The following NT5DC1 variants were observed in gnomAD, a reference collection of about 807,000 sequenced individuals.
NT5DC1 encodes 5'-nucleotidase domain containing 1.
Under a neutral mutation model 59.4 loss-of-function variants are expected in NT5DC1, and 42 were observed. That is an observed-to-expected ratio of 0.71 (90% CI 0.55 to 0.92). The LOEUF (loss-of-function observed/expected upper bound fraction) is 0.92, where lower values mean the gene tolerates loss of function less well. Among genes scored for constraint, NT5DC1 ranks in the 40% least tolerant of loss-of-function variants. The pLI, the probability that NT5DC1 is intolerant of heterozygous loss-of-function variation, is 0.00. For synonymous variants in NT5DC1, 172 were observed against 188.1 expected, an observed-to-expected ratio of 0.91 and a Z score of 0.70; for missense variants, 501 against 537.1, an observed-to-expected ratio of 0.93 and a Z score of 0.66.
At chr6:116,160,780 A>G (rs530819841) in intron 6 of NT5DC1, among the ~76,000 whole-genome samples, 7 of 152,320 alleles carry the variant, frequency 4.6e-5, no homozygotes, top group Non-Finnish European at 2.9e-5. Flanking sequence ...CCTTTAATCT[A>G]TCTTCAGTTA....
intron 6 of NT5DC1, chr6:116,125,576 C>T: frequency 7.2e-7 from 1 of 1,391,610 alleles, no homozygotes; most frequent in Non-Finnish European, 1.0e-6. Context: ...TCATGTTTCA[C>T]AGATGAGTTC....
chr6:116,121,858 T>C (rs750246457), intron 6 of NT5DC1: 1 of 1,613,880 alleles, frequency 6.2e-7, no homozygotes, highest in Non-Finnish European at 8.5e-7. Context: ...GTCCAGGACT[T>C]CCGTAGCCTG....
At chr6:116,176,280 C>T (rs1239290199) in intron 6 of NT5DC1, among the ~76,000 whole-genome samples, 1 of 152,114 alleles carries the variant, frequency 6.6e-6, no homozygotes, top group African/African-American at 2.4e-5. Flanking sequence ...ATGCATGTAC[C>T]ACAGAGAGGG....
intron 4 of NT5DC1, among the ~76,000 whole-genome samples, chr6:116,112,069 A>G (rs1438918496): frequency 1.3e-5 from 2 of 152,210 alleles, no homozygotes; most frequent in Admixed American, 1.3e-4. Context: ...AAGAGCATTC[A>G]CTCAGTAAGA....
intron 6 of NT5DC1, chr6:116,125,259 C>T: frequency 6.7e-7 from 1 of 1,496,544 alleles, no homozygotes. Flanking sequence ...AAGTTAAATG[C>T]ATTTTGTTAA....
At chr6:116,242,897 CT>C (rs1468393965) in intron 11 of NT5DC1, among the ~76,000 whole-genome samples, 1 of 152,140 alleles carries the variant, frequency 6.6e-6, no homozygotes, top group African/African-American at 2.4e-5. Flanking sequence ...AAAATCTCTA[CT>C]GGTTTTTCTG....
chr6:116,207,694 CCTG>C (rs1781486036), intron 6 of NT5DC1, among the ~76,000 whole-genome samples: 1 of 151,614 alleles, frequency 6.6e-6, no homozygotes. Context: ...GGTTAAAAGC[CCTG>C]CTTAGAGTAG....
chr6:116,101,024 G>A lies in NT5DC1; in HGVS notation c.93+1G>A. On this transcript the variant is annotated splice_donor_variant, in intron 1 of 11. Transcript: ENST00000319550. LOFTEE classifies it high-confidence loss of function. ...CTACAACCTGCCCGAGAGCGCCCCG[G>A]TGAGTGGCGCGGGCTCCGGGGCGCA... 1 of 1,586,468 alleles carries A rather than the reference G, an allele frequency of 6.3e-7. No individual in the cohort carries two copies. Among genetic ancestry groups the A allele is most frequent in the Non-Finnish European group, 8.6e-7 (1 of 1,167,018 alleles).
At chr6:116,196,724 T>G (rs1046560016) in intron 6 of NT5DC1, among the ~76,000 whole-genome samples, 1 of 152,106 alleles carries the variant, frequency 6.6e-6, no homozygotes, top group Admixed American at 6.6e-5. Flanking sequence ...GGGTTGTGTT[T>G]GCTGCTTCTT....
At chr6:116,161,625 C>T (rs1343944284) in intron 6 of NT5DC1, among the ~76,000 whole-genome samples, 1 of 152,132 alleles carries the variant, frequency 6.6e-6, no homozygotes, top group African/African-American at 2.4e-5. Context: ...GTTTTGGTTA[C>T]ATTAGACTTG....
chr6:116,190,845 T>C (rs1449186566), intron 6 of NT5DC1, among the ~76,000 whole-genome samples: 1 of 152,030 alleles, frequency 6.6e-6, no homozygotes, highest in Non-Finnish European at 1.5e-5. Context: ...AGAGACAGGT[T>C]CTCAGTTTCG....
intron 6 of NT5DC1, among the ~76,000 whole-genome samples, chr6:116,185,176 G>A (rs1300383392): frequency 6.6e-6 from 1 of 151,940 alleles, no homozygotes; most frequent in African/African-American, 2.4e-5. Context: ...TGATTTTGAG[G>A]GTTCCTTTTG....
intron 6 of NT5DC1, among the ~76,000 whole-genome samples, chr6:116,138,233 A>T (rs767133149): frequency 6.6e-6 from 1 of 152,176 alleles, no homozygotes; most frequent in African/African-American, 2.4e-5. Flanking sequence ...ATCTTTAGAG[A>T]TAAAGAATTT....
intron 6 of NT5DC1, among the ~76,000 whole-genome samples, chr6:116,168,531 A>C (rs1780530318): frequency 1.3e-5 from 2 of 152,100 alleles, no homozygotes; most frequent in Admixed American, 1.3e-4. Flanking sequence ...GTCTGTCTTT[A>C]TACCATAGGA....
At chr6:116,240,102 A>G (rs1771670966) in intron 11 of NT5DC1, among the ~76,000 whole-genome samples, 1 of 152,232 alleles carries the variant, frequency 6.6e-6, no homozygotes. Flanking sequence ...AAATCATAAA[A>G]GATACAGAAG....
intron 8 of NT5DC1, among the ~76,000 whole-genome samples, chr6:116,227,053 G>A (rs1781924588): frequency 6.6e-6 from 1 of 151,992 alleles, no homozygotes; most frequent in Non-Finnish European, 1.5e-5. Context: ...TCTGCATTTT[G>A]TACAATATAT....
At chr6:116,124,067 A>G (rs1779219554) in intron 6 of NT5DC1, among the ~76,000 whole-genome samples, 1 of 151,968 alleles carries the variant, frequency 6.6e-6, no homozygotes, top group African/African-American at 2.4e-5. Flanking sequence ...TAAATTTTAA[A>G]ATTTTTATTT....
chr6:116,107,540 T>TTTTTA (rs371049347), intron 2 of NT5DC1, among the ~76,000 whole-genome samples: 44,537 of 132,378 alleles, frequency 0.34, 8,614 homozygotes, highest in East Asian at 0.59. Context: ...AGTGGTTTTC[T>TTTTTA]TTTTATTTTA....
chr6:116,123,800 A>G (rs1779208792), intron 6 of NT5DC1, among the ~76,000 whole-genome samples: 2 of 152,348 alleles, frequency 1.3e-5, no homozygotes, highest in Admixed American at 1.3e-4. Flanking sequence ...AGATATTTTC[A>G]TTTGTTCTGC....
Sources: gnomAD v4.1 joint callset for allele counts (sites outside exome capture counted in the v4.1 genomes callset) on GRCh38, gnomAD v4.1.1 for gene constraint, MANE v1.5 for transcripts, NCBI Gene and HGNC (gene_info 2026-07-23, HGNC 2026-07-21) for gene names.